The following MED15 variants were observed in gnomAD, a reference collection of about 807,000 sequenced individuals.
MED15 encodes the protein mediator complex subunit 15.
Under a neutral mutation model 118.7 loss-of-function variants are expected in MED15, and 41 were observed. The observed-to-expected ratio is 0.35, with a 90% CI of 0.27 to 0.45. The LOEUF (loss-of-function observed/expected upper bound fraction) is 0.45. Ranked by LOEUF, MED15 falls within the 20% of genes least tolerant of loss-of-function variation. The pLI, the probability that MED15 is intolerant of heterozygous loss-of-function variation, is 1.00. For synonymous variants in MED15, 436 were observed against 413.9 expected, an observed-to-expected ratio of 1.05 and a Z score of -0.65; for missense variants, 740 against 1,025.5, an observed-to-expected ratio of 0.72 and a Z score of 3.80.
intron 2 of MED15, among the ~76,000 whole-genome samples, chr22:20,544,653 G>C (rs1336829160): frequency 1.3e-5 from 2 of 152,282 alleles, no homozygotes; most frequent in Middle Eastern, 3.4e-3. Context: ...GTGACAGAGT[G>C]AGACTCTGTC....
At chr22:20,522,076 A>G (rs890952995) in intron 1 of MED15, 3 of 152,140 alleles carry the variant, frequency 2.0e-5, no homozygotes, top group African/African-American at 4.8e-5. Context: ...TCTGTTCCAG[A>G]TAACTCTTTT....
At chr22:20,571,399 A>AG (rs2056657160) in intron 8 of MED15, among the ~76,000 whole-genome samples, 1 of 152,218 alleles carries the variant, frequency 6.6e-6, no homozygotes, top group Admixed American at 6.5e-5. Flanking sequence ...TGATGTTTTA[A>AG]GGATCATTGC....
In MED15 at chr22:20,542,358, A is replaced by G. The variant is rs576524970; in HGVS notation, c.156+5154A>G. Among the ~76,000 whole-genome samples, 5 of 152,382 alleles carry G rather than the reference A, an allele frequency of 3.3e-5. No homozygotes were observed. The South Asian group carries it at 1.0e-3, about 32-fold the overall frequency. On this transcript the variant is annotated intron_variant, in intron 2 of 17. Transcript: ENST00000263205. ...GCTGATGAATGGATAAACAGAATGTAGAATATCCATACAATGAATATCATG... is the reference window on the plus strand; with the variant it reads ...GCTGATGAATGGATAAACAGAATGTGGAATATCCATACAATGAATATCATG...
At chr22:20,510,398 C>CA (rs1486959328) in intron 1 of MED15, among the ~76,000 whole-genome samples, 3 of 152,080 alleles carry the variant, frequency 2.0e-5, no homozygotes, top group African/African-American at 7.2e-5. Context: ...AACAAACAAA[C>CA]AAAAAACACA....
chr22:20,542,399 A>G (rs185568424), intron 2 of MED15, among the ~76,000 whole-genome samples: 2 of 152,364 alleles, frequency 1.3e-5, no homozygotes, highest in African/African-American at 4.8e-5. Context: ...ACACGAAGCA[A>G]TGAAGGGCTG....
chr22:20,534,634 G>A (rs2054990158), intron 1 of MED15, among the ~76,000 whole-genome samples: 1 of 152,188 alleles, frequency 6.6e-6, no homozygotes, highest in African/African-American at 2.4e-5. Context: ...ACAGGCCTGT[G>A]CAGCCACTTC....
chr22:20,572,907 A>G lies in MED15; in HGVS notation c.1153-2206A>G, dbSNP rs533876625. Among the ~76,000 whole-genome samples the G allele has an allele frequency of 3.3e-5, 5 of 152,182 alleles. No individual in the cohort carries two copies. In the East Asian group the frequency reaches 7.7e-4, roughly 23 times the overall value. ...AGCATTACACTCTAGCCTGGGAGAC[A>G]GAGCAAAACTCTTGTCTCTTTAAAA... On this transcript the variant is annotated intron_variant, in intron 8 of 17. Transcript: ENST00000263205.
intron 8 of MED15, among the ~76,000 whole-genome samples, chr22:20,572,925 C>G (rs1021169204): frequency 2.0e-5 from 3 of 150,290 alleles, no homozygotes; most frequent in Admixed American, 2.0e-4. Context: ...ACTCTTGTCT[C>G]TTTAAAAAAG....
intron 1 of MED15, among the ~76,000 whole-genome samples, chr22:20,511,953 C>G (rs979846446): frequency 7.1e-6 from 1 of 140,494 alleles, no homozygotes; most frequent in African/African-American, 2.7e-5. Context: ...CGTGTTCTGA[C>G]CTCTCTGGTC....
chr22:20,556,130 A>G (rs1029722280), intron 5 of MED15, among the ~76,000 whole-genome samples: 4 of 151,996 alleles, frequency 2.6e-5, no homozygotes, highest in African/African-American at 9.7e-5. Context: ...GTAACTTTTT[A>G]TTTTTAAAAT....
chr22:20,568,729 T>TG (rs1181454408), intron 8 of MED15, 98 bp downstream of exon 8: 1 of 1,520,370 alleles, frequency 6.6e-7, no homozygotes, highest in African/African-American at 1.4e-5. Context: ...GATTAGGGGC[T>TG]GGGGGCTAAG....
chr22:20,572,429 G>A (rs147198010), intron 8 of MED15, among the ~76,000 whole-genome samples: 2 of 152,354 alleles, frequency 1.3e-5, no homozygotes, highest in African/African-American at 2.4e-5. Context: ...GAAGAGAGGC[G>A]CCCTGTCAGG....
At chr22:20,541,131 C>T (rs933759432) in intron 2 of MED15, among the ~76,000 whole-genome samples, 3 of 152,018 alleles carry the variant, frequency 2.0e-5, no homozygotes, top group African/African-American at 7.2e-5. Flanking sequence ...CCCAGCTACT[C>T]AGGAGGCTGA....
At chr22:20,585,902 A>G in intron 17 of MED15, 76 bp downstream of exon 17, 2 of 1,384,274 alleles carry the variant, frequency 1.4e-6, no homozygotes, top group Non-Finnish European at 2.0e-6. Flanking sequence ...CTTCCACTGC[A>G]GCAGGGACAG....
chr22:20,537,893 T>A (rs900187128), intron 2 of MED15, among the ~76,000 whole-genome samples: 3 of 152,214 alleles, frequency 2.0e-5, no homozygotes, highest in African/African-American at 7.2e-5. Context: ...GGCTCTGTAC[T>A]ATGGACACGT....
intron 6 of MED15, among the ~76,000 whole-genome samples, chr22:20,565,783 G>T (rs1476549655): frequency 6.6e-6 from 1 of 152,258 alleles, no homozygotes; most frequent in East Asian, 1.9e-4. Context: ...GAAATCTGCA[G>T]TTGCCCCAGC....
intron 1 of MED15, among the ~76,000 whole-genome samples, chr22:20,510,485 A>C (rs899188406): frequency 2.6e-5 from 4 of 152,240 alleles, no homozygotes; most frequent in African/African-American, 9.6e-5. Flanking sequence ...AAGGCCTATC[A>C]AGGCTGAAAT....
At chr22:20,508,651 G>A (rs1003816792) in intron 1 of MED15, among the ~76,000 whole-genome samples, 2 of 152,178 alleles carry the variant, frequency 1.3e-5, no homozygotes, top group African/African-American at 2.4e-5. Context: ...TCTTAAGGGT[G>A]GGGGAGATTA....
Position 20,582,706 on chromosome 22 carries a change from G to A in MED15, c.1368G>A (p.Pro456=), listed in dbSNP as rs183155734. ...QSMPPPPQPS[P]QPGQPSSQPN... ...TGCCCCCTCCCCCCCAGCCGTCCCC[G>A]CAGCCCGGCCAGCCCAGCTCACAGC... Residue 456 remains proline, a synonymous_variant, in exon 10 of 18, where the codon CCG becomes CCA. Coordinates refer to ENST00000263205, the MANE Select transcript of MED15 (RefSeq NM_001003891.3). 8.9e-5 allele frequency: 112 copies of A among 1,255,302 alleles called. No individual in the cohort carries two copies. Among genetic ancestry groups the A allele is most frequent in the Admixed American group, 7.7e-4 (39 of 50,948 alleles). The allele number at this position is 1,255,302 out of a possible 1,614,324, so 77.8% of individuals were successfully genotyped here.
Sources: allele counts gnomAD v4.1 joint callset (sites outside exome capture counted in the v4.1 genomes callset), GRCh38; gene constraint gnomAD v4.1.1; transcripts MANE v1.5; gene names NCBI Gene and HGNC (gene_info 2026-07-23, HGNC 2026-07-21).